The following ST6GAL2 variants were observed in gnomAD, a reference collection of about 807,000 sequenced individuals.
ST6GAL2 encodes ST6 beta-galactoside alpha-2,6-sialyltransferase 2.
ST6GAL2 carries 24 observed loss-of-function variants against 37.5 expected under a neutral mutation model. The observed-to-expected ratio is 0.64, with a 90% CI of 0.46 to 0.90. The LOEUF (loss-of-function observed/expected upper bound fraction) is 0.90, where lower values mean the gene tolerates loss of function less well. Among genes scored for constraint, ST6GAL2 ranks in the 40% least tolerant of loss-of-function variants. The pLI is 0.00. For missense variants in ST6GAL2, 715 were observed against 712.7 expected (o/e 1.00, Z -0.04); for synonymous variants, 306 against 295.1 (o/e 1.04, Z -0.38).
At chr2:106,830,298 A>AG in intron 4 of ST6GAL2, 58 bp from the exon 5 acceptor site, 1 of 1,469,202 alleles carries the variant, frequency 6.8e-7, no homozygotes, top group Non-Finnish European at 9.3e-7. Context: ...GAAAGGAGAC[A>AG]GGGCATGGCT....
chr2:106,832,515 C>T, intron 4 of ST6GAL2, 50 bp downstream of exon 4: 2 of 964,416 alleles, frequency 2.1e-6, no homozygotes, highest in African/African-American at 1.7e-5. Context: ...ATTAATTAGT[C>T]AAAGCCATTG....
At chr2:106,887,076 A>G (rs1034813), upstream of ST6GAL2, 41,277 of 152,294 alleles carry the variant, frequency 0.27, 8,551 homozygotes, top group African/African-American at 0.58. Flanking sequence ...GTGGGCGGCC[A>G]GGAGGGAGTC....
intron 5 of ST6GAL2, among the ~76,000 whole-genome samples, chr2:106,827,601 T>C (rs943642814): frequency 1.3e-5 from 2 of 152,214 alleles, no homozygotes; most frequent in African/African-American, 4.8e-5. Flanking sequence ...TCTTATCAAC[T>C]TGCTGTTTTT....
intron 1 of ST6GAL2, among the ~76,000 whole-genome samples, 181 bp from the exon 2 acceptor site, chr2:106,844,215 GC>G: frequency 7.5e-6 from 1 of 132,856 alleles, no homozygotes. Context: ...CCCCCTCCCC[GC>G]CCCCCACCTC....
intron 1 of ST6GAL2, among the ~76,000 whole-genome samples, chr2:106,849,397 A>G (rs1573272630): frequency 6.6e-6 from 1 of 152,184 alleles, no homozygotes; most frequent in African/African-American, 2.4e-5. Context: ...AGACATCATA[A>G]GCTGACCAAA....
At chr2:106,832,699 A>C (rs755748283) in intron 3 of ST6GAL2, 33 bp from the exon 4 acceptor site, 4 of 1,420,930 alleles carry the variant, frequency 2.8e-6, no homozygotes, top group African/African-American at 2.8e-5. Flanking sequence ...TTTCAAAGCC[A>C]GGGTTTGGTT....
In ST6GAL2 at chr2:106,868,823, T is replaced by C. The variant is rs1678143425; in HGVS notation, c.-58+17270A>G. 2.0e-5 allele frequency among the ~76,000 whole-genome samples: 3 copies of C among 151,996 alleles called. No individual in the cohort carries two copies. In the South Asian group the frequency reaches 6.2e-4, roughly 32 times the overall value. On this transcript the variant is annotated intron_variant, in intron 1 of 5. Transcript: ENST00000409382. The stretch of plus-strand genomic sequence containing the variant: ...ATTGTGCCCCCACATGTGTGAATTG[T>C]GGCTAGACAGCATGAATCACGGAGT...
intron 1 of ST6GAL2, among the ~76,000 whole-genome samples, chr2:106,857,881 CAG>C (rs2104570186): frequency 6.6e-6 from 1 of 152,280 alleles, no homozygotes; most frequent in African/African-American, 2.4e-5. Flanking sequence ...AACCTACACA[CAG>C]GTCAGGTGTT....
chr2:106,883,215 G>A (rs193253253), intron 1 of ST6GAL2, among the ~76,000 whole-genome samples: 1 of 152,274 alleles, frequency 6.6e-6, no homozygotes, highest in Non-Finnish European at 1.5e-5. Flanking sequence ...AGGGGTGGGA[G>A]GTGGCTGGGA....
intron 1 of ST6GAL2, among the ~76,000 whole-genome samples, chr2:106,872,346 G>A (rs1275716724): frequency 1.3e-5 from 2 of 152,176 alleles, no homozygotes; most frequent in Non-Finnish European, 2.9e-5. Context: ...TGGAAATCAG[G>A]AACAGCCTCA....
At chr2:106,819,763 TC>T (rs1361863422) in intron 5 of ST6GAL2, among the ~76,000 whole-genome samples, 1 of 151,670 alleles carries the variant, frequency 6.6e-6, no homozygotes, top group Non-Finnish European at 1.5e-5. Context: ...TGAAAAATGA[TC>T]AAACATAATA....
intron 1 of ST6GAL2, among the ~76,000 whole-genome samples, chr2:106,867,290 C>T (rs1305331494): frequency 2.0e-5 from 3 of 152,158 alleles, no homozygotes; most frequent in Non-Finnish European, 4.4e-5. Flanking sequence ...TTTATTCAGC[C>T]TTTTATTTTA....
At chr2:106,859,844 T>C (rs1038773619) in intron 1 of ST6GAL2, among the ~76,000 whole-genome samples, 8 of 152,070 alleles carry the variant, frequency 5.3e-5, no homozygotes, top group African/African-American at 1.9e-4. Context: ...CCAATTCCTG[T>C]GCTCAACCCT....
chr2:106,864,868 C>G (rs926598813), intron 1 of ST6GAL2, among the ~76,000 whole-genome samples: 2 of 152,142 alleles, frequency 1.3e-5, no homozygotes, highest in African/African-American at 2.4e-5. Context: ...AAAGGAACTC[C>G]GACAGTAAAT....
Position 106,843,574 on chromosome 2 carries a change from G to C in ST6GAL2, c.404C>G (p.Ala135Gly), listed in dbSNP as rs553645667. 9 of 1,613,912 alleles carry C rather than the reference G, an allele frequency of 5.6e-6. No homozygotes were observed. The East Asian group carries it at 1.8e-4, about 32-fold the overall frequency. The change falls in exon 2 of 6, where the codon GCT (alanine) becomes GGT (glycine). Residue 135 changes from alanine (A) to glycine (G), a missense_variant. Ala to Gly is a moderately conservative substitution (Grantham distance 60). Around this residue, in one of 3 missense-constraint regions of ST6GAL2, gnomAD observed 512 missense variants for 488.8 expected, o/e 1.05. Transcript: ENST00000409382. ...GTGGCTGTGCCACCCTGGCTGACCA[G>C]CAGCAAAAAAGTAGTCGTCATCCTC... ...YPEDDDYFFA[A>G]GQPGWHSHTQ...
chr2:106,819,816 TAA>T (rs1675933451), intron 5 of ST6GAL2, among the ~76,000 whole-genome samples: 2 of 151,880 alleles, frequency 1.3e-5, no homozygotes, highest in Admixed American at 1.3e-4. Context: ...AAAAAAGATA[TAA>T]AGAGAAACAA....
At chr2:106,885,402 T>C (rs557056928) in intron 1 of ST6GAL2, among the ~76,000 whole-genome samples, 2 of 152,238 alleles carry the variant, frequency 1.3e-5, no homozygotes, top group African/African-American at 2.4e-5. Context: ...AAAACAAATA[T>C]GGTACTAGGA....
At chr2:106,847,770 A>C (rs184948144) in intron 1 of ST6GAL2, among the ~76,000 whole-genome samples, 2 of 152,320 alleles carry the variant, frequency 1.3e-5, no homozygotes, top group East Asian at 3.9e-4. Context: ...TAAAGGATGC[A>C]CACAGGGTGA....
intron 1 of ST6GAL2, among the ~76,000 whole-genome samples, chr2:106,847,499 G>C (rs1677190089): frequency 6.6e-6 from 1 of 152,208 alleles, no homozygotes; most frequent in Non-Finnish European, 1.5e-5. Flanking sequence ...AGTTAGTGTA[G>C]ACCCCATGTG....
Sources: gnomAD v4.1 joint callset for allele counts (sites outside exome capture counted in the v4.1 genomes callset) on GRCh38, gnomAD v4.1.1 for gene constraint, gnomAD v4.1.1 regional missense constraint, MANE v1.5 for transcripts, NCBI Gene and HGNC (gene_info 2026-07-23, HGNC 2026-07-21) for gene names.